The following PTPRJ variants were observed in gnomAD, a reference collection of about 807,000 sequenced individuals.
PTPRJ encodes receptor-type tyrosine-protein phosphatase eta.
A neutral mutation model predicts 141.3 loss-of-function variants in PTPRJ; 129 were observed. That is an observed-to-expected ratio of 0.91 (90% CI 0.79 to 1.06). PTPRJ has a LOEUF of 1.06. PTPRJ is among the 50% of genes least tolerant of loss of function. PTPRJ has a pLI of 0.00. For missense variants in PTPRJ, 1,601 were observed against 1,679.7 expected (o/e 0.95, Z 0.82); for synonymous variants, 610 against 640.5 (o/e 0.95, Z 0.72).
chr11:48,089,183 T>C (rs1855794745), intron 1 of PTPRJ, among the ~76,000 whole-genome samples: 2 of 152,188 alleles, frequency 1.3e-5, no homozygotes, highest in South Asian at 2.1e-4. Context: ...AAAAGGAAGC[T>C]ATGTCCTGTG....
intron 5 of PTPRJ, 109 bp downstream of exon 5, chr11:48,123,979 T>C: frequency 7.8e-7 from 1 of 1,275,576 alleles, no homozygotes; most frequent in Non-Finnish European, 1.1e-6. Flanking sequence ...TTAGAATTTA[T>C]AAAGGGCTTT....
rs541237053 is a variant in PTPRJ at position 48,163,427 on chromosome 11, T to C, written c.3559-31T>C. 2.5e-6 allele frequency: 4 copies of C among 1,605,976 alleles called. No individual in the cohort carries two copies. In the African/African-American group the frequency reaches 4.0e-5, roughly 16 times the overall value. On this transcript the variant is annotated intron_variant, in intron 22 of 24. Transcript: ENST00000418331. ...TTGATGTTGTTAGGCAGCCTTTCTG[T>C]CTGGATCTAAATCATTTTCTGGGCT...
intron 1 of PTPRJ, among the ~76,000 whole-genome samples, chr11:48,051,579 T>TAAC: frequency 6.6e-6 from 1 of 152,320 alleles, no homozygotes; most frequent in South Asian, 2.1e-4. Flanking sequence ...TCAGAATCAT[T>TAAC]ATGTTAATGA....
chr11:48,135,439 A>G (rs1050075436), intron 8 of PTPRJ, among the ~76,000 whole-genome samples: 1 of 148,888 alleles, frequency 6.7e-6, no homozygotes, highest in Non-Finnish European at 1.5e-5. Context: ...GGCTGCCCAA[A>G]GTGCTGGGAT....
chr11:47,987,614 G>A (rs186112804), intron 1 of PTPRJ, among the ~76,000 whole-genome samples: 8 of 152,244 alleles, frequency 5.3e-5, no homozygotes, highest in Non-Finnish European at 1.0e-4. Flanking sequence ...ACTTGCCAGA[G>A]AAGGAATGGT....
chr11:48,085,335 T>TTTTTTTTTTATTTTA (rs1855673061), intron 1 of PTPRJ, among the ~76,000 whole-genome samples: 1 of 152,100 alleles, frequency 6.6e-6, no homozygotes, highest in African/African-American at 2.4e-5. Context: ...GATTTATTTA[T>TTTTTTTTTTATTTTA]TTTTATTTTT....
At chr11:48,159,485 T>C (rs942754333) in intron 21 of PTPRJ, among the ~76,000 whole-genome samples, 5 of 152,182 alleles carry the variant, frequency 3.3e-5, no homozygotes, top group Non-Finnish European at 5.9e-5. Context: ...TCTAAATCAA[T>C]TTTCATGCTG....
intron 24 of PTPRJ, among the ~76,000 whole-genome samples, chr11:48,165,184 G>T (rs1225122101): frequency 6.6e-6 from 1 of 152,124 alleles, no homozygotes; most frequent in Non-Finnish European, 1.5e-5. Context: ...TTCTAAGAAG[G>T]TCTGACCATC....
chr11:48,032,554 G>T (rs1854010697), intron 1 of PTPRJ, among the ~76,000 whole-genome samples: 1 of 152,182 alleles, frequency 6.6e-6, no homozygotes, highest in African/African-American at 2.4e-5. Flanking sequence ...GAGGTCAGGA[G>T]TTCAAGACCA....
At chr11:48,150,048 A>G (rs1335494135) in intron 17 of PTPRJ, 48 bp from the exon 18 acceptor site, 4 of 1,548,042 alleles carry the variant, frequency 2.6e-6, no homozygotes, top group East Asian at 2.2e-5. Context: ...TCTATTGAAT[A>G]TGGACTTCAC....
At chr11:48,073,151 C>T (rs919071302) in intron 1 of PTPRJ, among the ~76,000 whole-genome samples, 8 of 152,226 alleles carry the variant, frequency 5.3e-5, no homozygotes, top group African/African-American at 1.9e-4. Context: ...TGGGCTCACA[C>T]ACAGGGAGCT....
intron 8 of PTPRJ, among the ~76,000 whole-genome samples, chr11:48,133,399 T>G (rs975493617): frequency 2.0e-5 from 3 of 152,150 alleles, no homozygotes; most frequent in African/African-American, 7.2e-5. Flanking sequence ...CTGCCTGGAA[T>G]TGCATTGTCT....
intron 1 of PTPRJ, chr11:48,096,691 AGCAGACCCTG>A (rs1306749079): frequency 6.5e-6 from 1 of 154,868 alleles, no homozygotes; most frequent in Non-Finnish European, 1.5e-5. Flanking sequence ...CTCAGATCAG[AGCAGACCCTG>A]GGCTGCATCA....
At chr11:48,116,717 A>C (rs1049991942) in intron 3 of PTPRJ, among the ~76,000 whole-genome samples, 2 of 152,252 alleles carry the variant, frequency 1.3e-5, no homozygotes, top group African/African-American at 4.8e-5. Context: ...AATCATATCA[A>C]GTATCTTTTC....
intron 3 of PTPRJ, 103 bp downstream of exon 3, chr11:48,113,086 A>C: frequency 2.0e-6 from 2 of 981,382 alleles, no homozygotes; most frequent in Non-Finnish European, 3.0e-6. Context: ...TTACCTAAGA[A>C]AATCTTTTTA....
intron 1 of PTPRJ, among the ~76,000 whole-genome samples, chr11:48,072,944 A>G (rs986422575): frequency 3.9e-5 from 6 of 152,258 alleles, no homozygotes; most frequent in African/African-American, 1.4e-4. Flanking sequence ...ATTTAAATAA[A>G]AAAATAGATA....
intron 1 of PTPRJ, among the ~76,000 whole-genome samples, chr11:48,022,224 G>C (rs1330624514): frequency 2.6e-5 from 4 of 152,120 alleles, no homozygotes; most frequent in Non-Finnish European, 5.9e-5. Context: ...TAGCACTTTG[G>C]GAGGCCGAGG....
chr11:48,163,348 A>T, intron 22 of PTPRJ, 110 bp from the exon 23 acceptor site: 2 of 988,052 alleles, frequency 2.0e-6, no homozygotes, highest in Non-Finnish European at 3.0e-6. Context: ...TTTAATTTTT[A>T]GTCATTACAA....
At position 48,168,582 on chromosome 11, in the gene PTPRJ, A is replaced by ATATATGTG. The variant is rs1351743334; in HGVS notation, c.*1220_*1221insTATATGTG. On this transcript the variant is annotated 3_prime_UTR_variant, in exon 25 of 25. Transcript: ENST00000418331. ...TATATATATATATATATATATATAT[A>ATATATGTG]CACTAAGCTCTCAAAAACAGTCATT... The ATATATGTG allele has an allele frequency of 5.1e-5, 5 of 97,812 alleles. No homozygotes were observed. Among genetic ancestry groups the ATATATGTG allele is most frequent in the South Asian group, 3.4e-4 (1 of 2,902 alleles). The allele number at this position is 97,812 out of a possible 1,614,324, so 6.1% of individuals were successfully genotyped here.
Sources: gnomAD v4.1 joint callset for allele counts (sites outside exome capture counted in the v4.1 genomes callset) on GRCh38, gnomAD v4.1.1 for gene constraint, MANE v1.5 for transcripts, NCBI Gene and HGNC (gene_info 2026-07-23, HGNC 2026-07-21) for gene names.